The following PSD variants were observed in gnomAD, a reference collection of about 807,000 sequenced individuals.
PSD encodes PH and SEC7 domain-containing protein 1.
A neutral mutation model predicts 91.6 loss-of-function variants in PSD; 32 were observed. That is an observed-to-expected ratio of 0.35 (90% confidence interval 0.26 to 0.47). PSD has a LOEUF of 0.47. Among genes scored for constraint, PSD ranks in the 20% least tolerant of loss-of-function variants. The pLI is 1.00. For synonymous variants in PSD, 532 were observed against 569.3 expected, an observed-to-expected ratio of 0.93 and a Z score of 0.93; for missense variants, 1,099 against 1,373.9, an observed-to-expected ratio of 0.80 and a Z score of 3.16.
chr10:102,414,753 C>T lies in PSD; in HGVS notation c.1124+110G>A. ...CTGCTATACACACTGCCCCGCCAGC[C>T]CCACACCCATCTCTATCCCAGGCCC... On this transcript the variant is annotated intron_variant, in intron 4 of 16. Transcript: ENST00000020673. The surrounding 1 kb of genome is among the most constrained non-coding windows in gnomAD (Gnocchi z 5.6). The T allele has an allele frequency of 1.4e-6, 2 of 1,395,614 alleles. No homozygotes were observed. Among genetic ancestry groups the T allele is most frequent in the Non-Finnish European group, 1.9e-6 (2 of 1,052,432 alleles). The allele number at this position is 1,395,614 out of a possible 1,614,324, so 86.5% of individuals were successfully genotyped here.
At chr10:102,418,540 C>T (rs529525086) in intron 1 of PSD, among the ~76,000 whole-genome samples, 161 bp downstream of exon 1, 2 of 152,234 alleles carry the variant, frequency 1.3e-5, no homozygotes, top group African/African-American at 4.8e-5. Flanking sequence ...AGACAGATCC[C>T]GCCCAGGAGA....
chr10:102,411,186 T>C, intron 8 of PSD, 70 bp from the exon 9 acceptor site: 1 of 1,434,990 alleles, frequency 7.0e-7, no homozygotes. Flanking sequence ...TTCCCCAACC[T>C]CCCATTTCAT....
rs183776423 is a variant in PSD at position 102,405,993 on chromosome 10, T to A, written c.2136-457A>T. On this transcript the variant is annotated intron_variant, in intron 11 of 16. Coordinates refer to ENST00000020673, the MANE Select transcript of PSD (RefSeq NM_002779.5). This position sits in a 1 kb window ranked among gnomAD's most constrained non-coding sequence, Gnocchi z 5.4. ...CATACATCCTGGTCTACAGGCTCAG[T>A]CAGATACAAAATTTCGGATTCTATC... is the stretch of plus-strand genomic sequence containing the variant. 9 of 162,700 alleles carry A rather than the reference T, an allele frequency of 5.5e-5. No individual in the cohort carries two copies. In the East Asian group the frequency reaches 1.6e-3, roughly 29 times the overall value. The allele number at this position is 162,700 out of a possible 1,614,324, so 10.1% of individuals were successfully genotyped here.
chr10:102,412,648 A>G (rs2061436373), intron 5 of PSD, 73 bp from the exon 6 acceptor site: 1 of 1,340,126 alleles, frequency 7.5e-7, no homozygotes, highest in South Asian at 1.4e-5. Flanking sequence ...TTCTGCCTCC[A>G]GGCCCAGAAG....
At chr10:102,411,890 G>T in intron 7 of PSD, 71 bp from the exon 8 acceptor site, 1 of 1,166,968 alleles carries the variant, frequency 8.6e-7, no homozygotes, top group Non-Finnish European at 1.3e-6. Flanking sequence ...GGTGACAGGA[G>T]GCTTTGAGAG....
chr10:102,407,412 A>G (rs754180374), intron 10 of PSD, 146 bp from the exon 11 acceptor site: 1 of 514,612 alleles, frequency 1.9e-6, no homozygotes, highest in Non-Finnish European at 3.3e-6. Flanking sequence ...AGGCTCCAGA[A>G]TGGAGACCCA....
At position 102,403,824 on chromosome 10, in the gene PSD, G is replaced by A; in HGVS notation, c.2844+18C>T. The stretch of plus-strand genomic sequence containing the variant: ...TGGGCCTGCGTGTGTGGACAGAGGG[G>A]CAGACAGGGAGGCTCACCTCAAACT... On this transcript the variant is annotated intron_variant, in intron 16 of 16. Coordinates refer to ENST00000020673, the MANE Select transcript of PSD (RefSeq NM_002779.5). This position sits in a 1 kb window ranked among gnomAD's most constrained non-coding sequence, Gnocchi z 6.7. 1 of 1,607,090 alleles carries A rather than the reference G, an allele frequency of 6.2e-7. No homozygotes were observed. The highest frequency in any genetic ancestry group is 1.1e-5 in the South Asian group (1 of 90,042).
Position 102,412,407 on chromosome 10 carries a change from G to T in PSD, c.1722C>A (p.Ala574=). The change falls in exon 6 of 17, where the codon GCC becomes GCA. Residue 574 remains alanine, a synonymous_variant. Coordinates refer to ENST00000020673, the MANE Select transcript of PSD (RefSeq NM_002779.5). ...TCTTGCCCAGGTGCCGGGCCACATC[G>T]GCCTTCCTGAAGCCATCTAGTCGGT... ...RLYRLDGFRK[A]DVARHLGKNN... 6.2e-7 allele frequency: 1 copy of T among 1,613,980 alleles called. No homozygotes were observed. The highest frequency in any genetic ancestry group is 8.5e-7 in the Non-Finnish European group (1 of 1,179,868).
At position 102,405,772 on chromosome 10, in the gene PSD, C is replaced by T; in HGVS notation, c.2136-236G>A. 6 of 543,870 alleles carry T rather than the reference C, an allele frequency of 1.1e-5. No individual in the cohort carries two copies. The highest frequency in any genetic ancestry group is 1.6e-5 in the Non-Finnish European group (5 of 303,164). The allele number at this position is 543,870 out of a possible 1,614,324, so 33.7% of individuals were successfully genotyped here. On this transcript the variant is annotated intron_variant, in intron 11 of 16. Coordinates refer to ENST00000020673, the MANE Select transcript of PSD (RefSeq NM_002779.5). This position sits in a 1 kb window ranked among gnomAD's most constrained non-coding sequence, Gnocchi z 5.4. ...AGCCTAGAGCCACCACTGTCCCTTC[C>T]TCCCAGCAAGTAGGGCCAGCACTAT...
rs542437943 is a variant in PSD, at chr10:102,414,335, G to C, written c.1125-138C>G. On this transcript the variant is annotated intron_variant, in intron 4 of 16. Transcript: ENST00000020673. This position sits in a 1 kb window ranked among gnomAD's most constrained non-coding sequence, Gnocchi z 5.6. Reference sequence around the variant, plus strand: ...GGCTCCAGCCCACTAACAAAAAAGAGCCTCTAGGGTAGGGCGCCAAGCTAT... The same window carrying C: ...GGCTCCAGCCCACTAACAAAAAAGACCCTCTAGGGTAGGGCGCCAAGCTAT... 2 of 889,658 alleles carry C rather than the reference G, an allele frequency of 2.2e-6. No homozygotes were observed. The highest frequency in any genetic ancestry group is 3.4e-6 in the Non-Finnish European group (2 of 595,144). The allele number at this position is 889,658 out of a possible 1,614,324, so 55.1% of individuals were successfully genotyped here. A position where few individuals can be genotyped will look rare whatever the true frequency, so the allele number is the denominator to read the frequency against.
chr10:102,410,262 T>A lies in PSD; in HGVS notation c.2091+596A>T, dbSNP rs542348698. ...TCTCCTACCGGCACCAGCCCCTACG[T>A]ATCTGAGCCCTCGGTTGCGGGCCAT... On this transcript the variant is annotated intron_variant, in intron 10 of 16. Coordinates refer to ENST00000020673, the MANE Select transcript of PSD (RefSeq NM_002779.5). The surrounding 1 kb of genome is among the most constrained non-coding windows in gnomAD (Gnocchi z 6.0). Among the ~76,000 whole-genome samples the A allele has an allele frequency of 6.6e-6, 1 of 152,164 alleles. No homozygotes were observed. Among genetic ancestry groups the A allele is most frequent in the African/African-American group, 2.4e-5 (1 of 41,432 alleles).
intron 1 of PSD, among the ~76,000 whole-genome samples, chr10:102,417,350 C>T (rs2135462284): frequency 6.6e-6 from 1 of 152,164 alleles, no homozygotes; most frequent in South Asian, 2.1e-4. Context: ...CTGCCTGAGG[C>T]CCTGAGCATC....
chr10:102,404,454 C>T lies in PSD; in HGVS notation c.2700+129G>A. 1 of 1,243,558 alleles carries T rather than the reference C, an allele frequency of 8.0e-7. No homozygotes were observed. The highest frequency in any genetic ancestry group is 1.1e-6 in the Non-Finnish European group (1 of 918,738). 77.0% of individuals were successfully genotyped at this position (1,243,558 alleles called of 1,614,324 possible). The stretch of plus-strand genomic sequence containing the variant: ...AGTGGGGGCTGGATTTCAGTCCCTG[C>T]TCACCCCTGTGGCCAGCATCCTGGT... On this transcript the variant is annotated intron_variant, in intron 15 of 16. Coordinates refer to ENST00000020673, the MANE Select transcript of PSD (RefSeq NM_002779.5). The surrounding 1 kb of genome is among the most constrained non-coding windows in gnomAD (Gnocchi z 5.7).
chr10:102,416,905 G>T lies in PSD; in HGVS notation c.134C>A (p.Ser45Tyr). The change falls in exon 2 of 17, where the codon TCC (serine) becomes TAC (tyrosine). Residue 45 changes from serine (S) to tyrosine (Y), a missense_variant. Ser to Tyr is a moderately radical substitution (Grantham distance 144, BLOSUM62 -2). Around this residue, in one of 3 missense-constraint regions of PSD, gnomAD observed 631 missense variants for 728.8 expected, o/e 0.87. Coordinates refer to ENST00000020673, the MANE Select transcript of PSD (RefSeq NM_002779.5). This position sits in a 1 kb window ranked among gnomAD's most constrained non-coding sequence, Gnocchi z 6.0. ...TGGACCTGCCACTCGCCGTAGCAAG[G>T]AGCCTGTGCTGCCATACATGCTGGC... ...PPASMYGSTGSLLRRVAGPGP... is the reference protein window; with the variant it reads ...PPASMYGSTGYLLRRVAGPGP... 1 of 1,608,272 alleles carries T rather than the reference G, an allele frequency of 6.2e-7. No homozygotes were observed. Among genetic ancestry groups the T allele is most frequent in the Non-Finnish European group, 8.5e-7 (1 of 1,178,976 alleles).
chr10:102,414,241 G>A lies in PSD; in HGVS notation c.1125-44C>T. On this transcript the variant is annotated intron_variant, in intron 4 of 16. Transcript: ENST00000020673. The surrounding 1 kb of genome is among the most constrained non-coding windows in gnomAD (Gnocchi z 5.6). The stretch of plus-strand genomic sequence containing the variant: ...TCTCTGATTAGGGGCCCAGATCACA[G>A]GGCTGGGGCAGGATTTCACTGAACT... The A allele has an allele frequency of 6.6e-7, 1 of 1,520,418 alleles. No homozygotes were observed. Among genetic ancestry groups the A allele is most frequent in the Non-Finnish European group, 8.9e-7 (1 of 1,121,552 alleles). 94.2% of individuals were successfully genotyped at this position (1,520,418 alleles called of 1,614,324 possible).
upstream of PSD, chr10:102,419,810 G>A (rs1565232337): frequency 5.2e-6 from 1 of 191,428 alleles, no homozygotes; most frequent in Non-Finnish European, 1.1e-5. This position sits in a 1 kb window ranked among gnomAD's most constrained non-coding sequence, Gnocchi z 4.8. Flanking sequence ...TCTTTGCAGG[G>A]GTCTGTCCTC....
chr10:102,405,386 G>A lies in PSD; in HGVS notation c.2286C>T (p.Ala762=), dbSNP rs936392462. The A allele has an allele frequency of 1.3e-5, 21 of 1,613,528 alleles. No individual in the cohort carries two copies. The highest frequency in any genetic ancestry group is 1.7e-5 in the Admixed American group (1 of 59,998). Residue 762 remains alanine, a synonymous_variant, in exon 12 of 17, where the codon GCC becomes GCT. Coordinates refer to ENST00000020673, the MANE Select transcript of PSD (RefSeq NM_002779.5). The surrounding 1 kb of genome is among the most constrained non-coding windows in gnomAD (Gnocchi z 5.4). ...GGTCTGCGTGCACCTTTCGCACCAG[G>A]GCCCCGTGCTTGTAGACGGCAGCCC... ...EPGAAVYKHG[A]LVRKVHADPD... is the part of the protein sequence containing the mutation.
chr10:102,416,838 A>G lies in PSD; in HGVS notation c.201T>C (p.Cys67=). The change falls in exon 2 of 17, where the codon TGT becomes TGC. Residue 67 remains cysteine, a synonymous_variant. Transcript: ENST00000020673. The surrounding 1 kb of genome is among the most constrained non-coding windows in gnomAD (Gnocchi z 6.0). ...GRELGRVTAP[C]TPLRGPPSPR... The stretch of plus-strand genomic sequence containing the variant: ...GTGAGGGGGGGCCACGCAGAGGTGT[A>G]CAGGGTGCTGTCACACGTCCCAGTT... 1 of 1,601,356 alleles carries G rather than the reference A, an allele frequency of 6.2e-7. No individual in the cohort carries two copies. The highest frequency in any genetic ancestry group is 1.1e-5 in the South Asian group (1 of 88,916).
In PSD at chr10:102,413,890, A is replaced by G. The variant is rs2061448342; in HGVS notation, c.1432T>C (p.Trp478Arg). Reference sequence around the variant, plus strand: ...TCCTCCTCCTCCCCTCTCTGTGTCCAAGGACCATCAGCAGCAGAGCTGGTA... The same window carrying G: ...TCCTCCTCCTCCCCTCTCTGTGTCCGAGGACCATCAGCAGCAGAGCTGGTA... Reference protein sequence around the residue: ...SGTSSAADGPWTQRGEEEEAE... With the variant: ...SGTSSAADGPRTQRGEEEEAE... The change falls in exon 5 of 17, where the codon TGG (tryptophan) becomes CGG (arginine). Residue 478 changes from tryptophan (W) to arginine (R), a missense_variant. Around this residue, in one of 3 missense-constraint regions of PSD, gnomAD observed 631 missense variants for 728.8 expected, o/e 0.87. Coordinates refer to ENST00000020673, the MANE Select transcript of PSD (RefSeq NM_002779.5). 6 of 1,613,984 alleles carry G rather than the reference A, an allele frequency of 3.7e-6. No homozygotes were observed. The highest frequency in any genetic ancestry group is 5.1e-6 in the Non-Finnish European group (6 of 1,179,922).
Sources: gnomAD v4.1 joint callset for allele counts (sites outside exome capture counted in the v4.1 genomes callset) on GRCh38, gnomAD v4.1.1 for gene constraint, gnomAD v4.1.1 regional missense constraint, Gnocchi (gnomAD v3.1) non-coding constraint, MANE v1.5 for transcripts, NCBI Gene and HGNC (gene_info 2026-07-23, HGNC 2026-07-21) for gene names.